Variants in EYS observed in about 807,000 individuals in gnomAD.
The protein encoded by EYS is EGF-like photoreceptor maintenance factor.
In EYS, 250 loss-of-function variants were observed where a neutral mutation model predicts 282.1. That is an observed-to-expected ratio of 0.89 (90% CI 0.80 to 0.98). The LOEUF (loss-of-function observed/expected upper bound fraction) is 0.98, where lower values mean the gene tolerates loss of function less well. Ranked by LOEUF, EYS falls within the 50% of genes least tolerant of loss-of-function variation. The pLI, the probability that EYS is intolerant of heterozygous loss-of-function variation, is 0.00. For synonymous variants in EYS, 1,355 were observed against 1,282.9 expected (o/e 1.06, Z -1.20); for missense variants, 4,016 against 3,709.0 (o/e 1.08, Z -2.15).
intron 40 of EYS, among the ~76,000 whole-genome samples, chr6:63,772,005 A>G (rs1475675861): frequency 6.6e-6 from 1 of 152,118 alleles, no homozygotes; most frequent in Non-Finnish European, 1.5e-5. Flanking sequence ...TTTCTGTCCT[A>G]GAGCTGAGTG....
chr6:64,819,605 G>A (rs535813455), intron 21 of EYS, among the ~76,000 whole-genome samples: 1 of 151,942 alleles, frequency 6.6e-6, no homozygotes, highest in African/African-American at 2.4e-5. Context: ...TTCACTATGA[G>A]TTAAAGCACT....
chr6:64,458,928 T>C (rs1014495869), intron 26 of EYS, among the ~76,000 whole-genome samples: 3 of 152,210 alleles, frequency 2.0e-5, no homozygotes, highest in African/African-American at 7.2e-5. Flanking sequence ...CTGTTCATTA[T>C]GTTAAACACA....
chr6:65,535,372 C>T (rs1767925890), intron 2 of EYS, among the ~76,000 whole-genome samples: 1 of 152,084 alleles, frequency 6.6e-6, no homozygotes, highest in Non-Finnish European at 1.5e-5. Flanking sequence ...CTTTCCGGTG[C>T]TGTTCTCATG....
intron 22 of EYS, among the ~76,000 whole-genome samples, chr6:64,807,269 A>G (rs1456062022): frequency 1.3e-5 from 2 of 152,132 alleles, no homozygotes; most frequent in African/African-American, 2.4e-5. Context: ...CAAATAAAAT[A>G]TACTGTAATA....
At chr6:65,594,461 A>C (rs1038805471) in intron 2 of EYS, among the ~76,000 whole-genome samples, 3 of 152,098 alleles carry the variant, frequency 2.0e-5, no homozygotes, top group Non-Finnish European at 2.9e-5. Flanking sequence ...TCTATGATTC[A>C]AACTTAGTTA....
rs550473951 is a variant in EYS at position 65,571,998 on chromosome 6, AT to A, written c.-333+67779del. On this transcript the variant is annotated intron_variant, in intron 2 of 42. Transcript: ENST00000503581. ...AGCCCAAAGTTACAAACATTAAATA[AT>A]TTTTTTTAAGGAACATTACCTAAAA... is the stretch of plus-strand genomic sequence containing the variant. Among the ~76,000 whole-genome samples, 489 of 151,992 alleles carry A rather than the reference AT, an allele frequency of 3.2e-3. 1 individual carries two copies. Among genetic ancestry groups the A allele is most frequent in the South Asian group, 3.9e-3 (19 of 4,820 alleles).
chr6:63,756,964 A>G (rs1374242663), intron 41 of EYS, among the ~76,000 whole-genome samples: 1 of 152,146 alleles, frequency 6.6e-6, no homozygotes, highest in Non-Finnish European at 1.5e-5. Context: ...AACTGTACAA[A>G]TTGATCGTAA....
At position 64,066,458 on chromosome 6, in the gene EYS, T is replaced by G; in HGVS notation, c.6605A>C (p.His2202Pro). The change falls in exon 33 of 43, where the codon CAT becomes CCT. Residue 2202 changes from histidine to proline, a missense_variant. By Grantham distance (77) the His-to-Pro change is moderately conservative (BLOSUM62 -2). Transcript: ENST00000503581. The stretch of plus-strand genomic sequence containing the variant: ...TGGCCTTCCTTCCACAAGAAATAAA[T>G]GAAGAAACTGCTTTCCACAATTATT... ...NGNNCGKQFL[H>P]LFLVEGRPSV... 1 of 1,546,228 alleles carries G rather than the reference T, an allele frequency of 6.5e-7. No homozygotes were observed. Among genetic ancestry groups the G allele is most frequent in the Non-Finnish European group, 8.8e-7 (1 of 1,142,498 alleles).
At chr6:64,914,238 AACAATC>A (rs1227607032) in intron 15 of EYS, among the ~76,000 whole-genome samples, 1 of 152,160 alleles carries the variant, frequency 6.6e-6, no homozygotes, top group Non-Finnish European at 1.5e-5. Flanking sequence ...GTAAGTGGAA[AACAATC>A]ACAAACTGTA....
At position 65,547,439 on chromosome 6, in the gene EYS, T is replaced by C. The variant is rs569988780; in HGVS notation, c.-332-51446A>G. ...ATAAATTTTAATAATATTACAGTAA[T>C]GAATGTTTTATAATACTTCTAGAAT... On this transcript the variant is annotated intron_variant, in intron 2 of 42. Coordinates refer to ENST00000503581, the MANE Select transcript of EYS (RefSeq NM_001142800.2). Among the ~76,000 whole-genome samples, 51 of 152,124 alleles carry C rather than the reference T, an allele frequency of 3.4e-4. No homozygotes were observed. The South Asian group carries it at 0.011, about 32-fold the overall frequency.
intron 2 of EYS, among the ~76,000 whole-genome samples, chr6:65,526,115 A>C (rs1377116476): frequency 1.3e-5 from 2 of 152,208 alleles, no homozygotes; most frequent in Non-Finnish European, 2.9e-5. Flanking sequence ...GTGAGAGAGC[A>C]ATAGCATGTC....
chr6:64,452,219 C>T (rs910176825), intron 26 of EYS, among the ~76,000 whole-genome samples: 1 of 151,876 alleles, frequency 6.6e-6, no homozygotes, highest in Non-Finnish European at 1.5e-5. Flanking sequence ...CAATAACAGA[C>T]AAACAGAGAG....
At chr6:64,179,877 T>C (rs1302066912) in intron 31 of EYS, among the ~76,000 whole-genome samples, 1 of 152,102 alleles carries the variant, frequency 6.6e-6, no homozygotes, top group African/African-American at 2.4e-5. Context: ...GAATTAAGCA[T>C]ATTCAAAGAG....
intron 29 of EYS, among the ~76,000 whole-genome samples, chr6:64,354,276 C>T (rs1771748347): frequency 6.6e-6 from 1 of 151,570 alleles, no homozygotes; most frequent in East Asian, 2.0e-4. Flanking sequence ...AACAGATACC[C>T]TAATTTTAAA....
At chr6:64,614,282 C>T (rs1767198754) in intron 24 of EYS, among the ~76,000 whole-genome samples, 1 of 152,088 alleles carries the variant, frequency 6.6e-6, no homozygotes, top group African/African-American at 2.4e-5. Context: ...ATAGCAAACA[C>T]AGCCTGACTC....
At chr6:64,263,505 C>T (rs9342197) in intron 30 of EYS, among the ~76,000 whole-genome samples, 103,215 of 151,908 alleles carry the variant, frequency 0.68, 35,088 homozygotes, top group South Asian at 0.71. Context: ...AATTTTCCCG[C>T]GGATCTACAG....
chr6:65,671,777 AT>A (rs1768397984), intron 1 of EYS, among the ~76,000 whole-genome samples: 1 of 152,116 alleles, frequency 6.6e-6, no homozygotes. Flanking sequence ...TAGCTCAGAA[AT>A]GTGCAATCAG....
intron 12 of EYS, among the ~76,000 whole-genome samples, chr6:65,076,595 G>A (rs1774058026): frequency 6.6e-6 from 1 of 151,794 alleles, no homozygotes; most frequent in Non-Finnish European, 1.5e-5. Context: ...GACTATTTTA[G>A]TTTTGTCTAA....
chr6:64,995,471 C>G (rs554437041), intron 14 of EYS, among the ~76,000 whole-genome samples: 30 of 152,118 alleles, frequency 2.0e-4, no homozygotes, highest in African/African-American at 7.0e-4. Flanking sequence ...TCTTTAGGCC[C>G]CAGACACAAT....
Sources: allele counts gnomAD v4.1 joint callset (sites outside exome capture counted in the v4.1 genomes callset), GRCh38; gene constraint gnomAD v4.1.1; transcripts MANE v1.5; gene names NCBI Gene and HGNC (gene_info 2026-07-23, HGNC 2026-07-21).